Variants in LRRC7 observed in about 807,000 individuals in gnomAD.
The protein encoded by LRRC7 is leucine-rich repeat-containing protein 7.
In LRRC7, 23 loss-of-function variants were observed where a neutral mutation model predicts 175.7. The ratio of observed to expected loss-of-function variants is 0.13; its 90% CI spans 0.09 to 0.19. LRRC7 has a LOEUF of 0.19. Ranked by LOEUF, LRRC7 falls within the 10% of genes least tolerant of loss-of-function variation. LRRC7 has a pLI of 1.00. For synonymous variants in LRRC7, 685 were observed against 680.9 expected (o/e 1.01, Z -0.09); for missense variants, 1,354 against 1,904.7 (o/e 0.71, Z 5.38).
chr1:69,624,694 G>A (rs1651198093), intron 1 of LRRC7, among the ~76,000 whole-genome samples: 1 of 151,992 alleles, frequency 6.6e-6, no homozygotes, highest in Non-Finnish European at 1.5e-5. Flanking sequence ...TGATGTGGAT[G>A]TCAAGTTTTA....
At chr1:69,636,634 T>G (rs750288865) in intron 1 of LRRC7, among the ~76,000 whole-genome samples, 12 of 152,174 alleles carry the variant, frequency 7.9e-5, no homozygotes, top group Admixed American at 3.3e-4. Context: ...ATGTTTCTTA[T>G]GTTCACCATT....
chr1:69,888,414 G>T (rs1292520167), intron 7 of LRRC7, among the ~76,000 whole-genome samples: 2 of 152,140 alleles, frequency 1.3e-5, no homozygotes, highest in East Asian at 1.9e-4. Context: ...CTTTGACTTG[G>T]AAAGGGAACT....
chr1:69,596,539 G>C (rs1026608770), intron 1 of LRRC7, among the ~76,000 whole-genome samples: 1 of 152,122 alleles, frequency 6.6e-6, no homozygotes, highest in African/African-American at 2.4e-5. Context: ...CGGAAGTGTC[G>C]CAGAAAGAGA....
chr1:70,060,753 T>A (rs539152425), intron 23 of LRRC7, among the ~76,000 whole-genome samples: 1 of 152,300 alleles, frequency 6.6e-6, no homozygotes, highest in East Asian at 1.9e-4. Context: ...AACCTCAAAG[T>A]CAAGAATATC....
At chr1:69,700,435 C>T (rs1156885621) in intron 2 of LRRC7, among the ~76,000 whole-genome samples, 1 of 152,184 alleles carries the variant, frequency 6.6e-6, no homozygotes, top group African/African-American at 2.4e-5. Flanking sequence ...ACTCCCTTTA[C>T]TGAAATCTGT....
chr1:69,581,082 G>T (rs1045274299), intron 1 of LRRC7, among the ~76,000 whole-genome samples: 2 of 152,162 alleles, frequency 1.3e-5, no homozygotes, highest in African/African-American at 2.4e-5. Context: ...AGACTGGCAC[G>T]TTATGAGGCA....
chr1:70,042,484 T>TTCAC (rs1659996970), intron 21 of LRRC7, among the ~76,000 whole-genome samples: 2 of 152,220 alleles, frequency 1.3e-5, no homozygotes, highest in Non-Finnish European at 2.9e-5. Context: ...GCATAACAGT[T>TTCAC]CAACATAATG....
In LRRC7 at chr1:69,608,812, GTCTCTC is replaced by G. The variant is rs558298354; in HGVS notation, c.2+40221_2+40226del. Among the ~76,000 whole-genome samples, 460 of 91,478 alleles carry G rather than the reference GTCTCTC, an allele frequency of 5.0e-3. 2 individuals carry two copies. Among genetic ancestry groups the G allele is most frequent in the African/African-American group, 0.012 (282 of 24,190 alleles). The allele number at this position is 91,478 out of a possible 152,430, so 60.0% of individuals were successfully genotyped here. ...GCATCTCCTATAAGTTGCTCTGTCT[GTCTCTC>G]TCTCTCTCTCTCTCTCTCTCTCTCT... On this transcript the variant is annotated intron_variant, in intron 1 of 26. Transcript: ENST00000651989.
intron 2 of LRRC7, among the ~76,000 whole-genome samples, chr1:69,743,818 C>T (rs1668973227): frequency 6.6e-6 from 1 of 151,808 alleles, no homozygotes; most frequent in Non-Finnish European, 1.5e-5. Flanking sequence ...GAGGGAAAAA[C>T]TTACTGAGGA....
At chr1:69,862,837 C>T (rs1462145942) in intron 7 of LRRC7, among the ~76,000 whole-genome samples, 1 of 152,010 alleles carries the variant, frequency 6.6e-6, no homozygotes, top group African/African-American at 2.4e-5. Flanking sequence ...CCCCCCACCC[C>T]CAAACAAGCC....
intron 1 of LRRC7, among the ~76,000 whole-genome samples, chr1:69,676,103 T>C (rs533150870): frequency 2.6e-5 from 4 of 151,948 alleles, no homozygotes; most frequent in African/African-American, 9.6e-5. Context: ...TTGGAAGACT[T>C]TTTTTAAGCC....
At chr1:69,685,762 T>C (rs1249202170) in intron 2 of LRRC7, among the ~76,000 whole-genome samples, 1 of 152,014 alleles carries the variant, frequency 6.6e-6, no homozygotes, top group African/African-American at 2.4e-5. Context: ...ATTTGTATCA[T>C]CAGAGTCCCA....
Position 70,028,167 on chromosome 1 carries a change from C to T in LRRC7, c.1795-4C>T. Reference sequence around the variant, plus strand: ...ATGTTAAATTTCTTTTTGTAAACTTCTAGGTTGAAATAAACCTAAAACGAT... The same window carrying T: ...ATGTTAAATTTCTTTTTGTAAACTTTTAGGTTGAAATAAACCTAAAACGAT... On this transcript the variant is annotated splice_region_variant and splice_polypyrimidine_tract_variant and intron_variant, in intron 17 of 26. Transcript: ENST00000651989. 1 of 1,608,146 alleles carries T rather than the reference C, an allele frequency of 6.2e-7. No individual in the cohort carries two copies. The highest frequency in any genetic ancestry group is 8.5e-7 in the Non-Finnish European group (1 of 1,176,014).
chr1:69,815,947 CCTTT>C (rs1292787702), intron 4 of LRRC7, among the ~76,000 whole-genome samples: 1 of 141,168 alleles, frequency 7.1e-6, no homozygotes, highest in Admixed American at 7.3e-5. Flanking sequence ...CTCTCTAGAA[CCTTT>C]ATTTATTTAT....
chr1:70,109,510 A>G (rs1394229114), intron 26 of LRRC7, among the ~76,000 whole-genome samples: 1 of 152,244 alleles, frequency 6.6e-6, no homozygotes. Context: ...CTTTTGAGCT[A>G]GAGCTGAGAA....
chr1:70,097,004 T>C (rs1664453511), intron 25 of LRRC7, among the ~76,000 whole-genome samples: 1 of 152,240 alleles, frequency 6.6e-6, no homozygotes, highest in Non-Finnish European at 1.5e-5. Flanking sequence ...AAATACACTG[T>C]CAGTCTCAGA....
chr1:69,919,750 T>C, intron 7 of LRRC7: 2 of 979,186 alleles, frequency 2.0e-6, no homozygotes, highest in Non-Finnish European at 3.2e-6. Flanking sequence ...AGAAGCCATT[T>C]GAAGACCCCT....
At chr1:69,736,117 CATG>C (rs1668092077) in intron 2 of LRRC7, among the ~76,000 whole-genome samples, 1 of 151,958 alleles carries the variant, frequency 6.6e-6, no homozygotes, top group Non-Finnish European at 1.5e-5. Context: ...CTAATGATAA[CATG>C]TTGAAATCAA....
chr1:70,017,549 G>A (rs1176722118), intron 14 of LRRC7, among the ~76,000 whole-genome samples: 3 of 151,912 alleles, frequency 2.0e-5, no homozygotes, highest in African/African-American at 7.2e-5. Flanking sequence ...AAATATGAAT[G>A]GCTAAATGAA....
Sources: allele counts gnomAD v4.1 joint callset (sites outside exome capture counted in the v4.1 genomes callset), GRCh38; gene constraint gnomAD v4.1.1; transcripts MANE v1.5; gene names NCBI Gene and HGNC (gene_info 2026-07-23, HGNC 2026-07-21).